USP14: variants seen among roughly 807,000 people sequenced by gnomAD.
USP14 encodes the protein ubiquitin specific peptidase 14.
In USP14, 38 loss-of-function variants were observed where a neutral mutation model predicts 76.5. The observed-to-expected ratio is 0.50, with a 90% CI of 0.38 to 0.65. USP14 has a LOEUF of 0.65. USP14 is among the 30% of genes least tolerant of loss of function. The pLI, the probability that USP14 is intolerant of heterozygous loss-of-function variation, is 0.00. For missense variants in USP14, 467 were observed against 586.5 expected (o/e 0.80, Z 2.10); for synonymous variants, 192 against 191.7 (o/e 1.00, Z -0.01).
chr18:213,679 C>G lies in USP14; in HGVS notation c.*2395C>G, dbSNP rs932284646. The G allele has an allele frequency of 2.6e-5, 4 of 152,546 alleles. No individual in the cohort carries two copies. The East Asian group carries it at 7.7e-4, about 29-fold the overall frequency. The allele number at this position is 152,546 out of a possible 1,614,324, so 9.4% of individuals were successfully genotyped here. A position where few individuals can be genotyped will look rare whatever the true frequency, so the allele number is the denominator to read the frequency against. On this transcript the variant is annotated 3_prime_UTR_variant, in exon 16 of 16. Transcript: ENST00000261601. ...GAATAATCTGCACTCACTCAGTAGC[C>G]CTTCTTCAGGATTAAAAACGATGAT...
At position 158,720 on chromosome 18, in the gene USP14, C is replaced by T. The variant is rs1475991488; in HGVS notation, c.16+6C>T. ...CGCCATGCCGCTCTACTCCGGTGAG[C>T]CCTGTCCTGGCCTCGCGCGCAGCAC... On this transcript the variant is annotated splice_donor_region_variant and intron_variant, in intron 1 of 15. Coordinates refer to ENST00000261601, the MANE Select transcript of USP14 (RefSeq NM_005151.4). 1 of 1,524,180 alleles carries T rather than the reference C, an allele frequency of 6.6e-7. No individual in the cohort carries two copies. The highest frequency in any genetic ancestry group is 2.0e-5 in the Admixed American group (1 of 50,888). The allele number at this position is 1,524,180 out of a possible 1,614,324, so 94.4% of individuals were successfully genotyped here. A position where few individuals can be genotyped will look rare whatever the true frequency, so the allele number is the denominator to read the frequency against.
intron 13 of USP14, among the ~76,000 whole-genome samples, chr18:207,936 C>G (rs1270839566): frequency 1.3e-5 from 2 of 151,912 alleles, no homozygotes; most frequent in African/African-American, 4.8e-5. Context: ...GATCTTAAAT[C>G]CTTGACTTTG....
At chr18:160,173 A>T (rs944492993) in intron 1 of USP14, among the ~76,000 whole-genome samples, 11 of 151,718 alleles carry the variant, frequency 7.3e-5, no homozygotes, top group African/African-American at 2.7e-4. Context: ...GAGTGGTGGC[A>T]GGTGCCGGTA....
chr18:160,660 C>A (rs1909092160), intron 1 of USP14, among the ~76,000 whole-genome samples: 1 of 152,226 alleles, frequency 6.6e-6, no homozygotes, highest in Admixed American at 6.5e-5. Flanking sequence ...AAGTAACTTG[C>A]TCATGGCAAT....
chr18:190,203 T>C (rs758940536), intron 5 of USP14, among the ~76,000 whole-genome samples: 1 of 152,224 alleles, frequency 6.6e-6, no homozygotes, highest in African/African-American at 2.4e-5. Flanking sequence ...GATGAATATT[T>C]GGTTTATGTT....
intron 5 of USP14, among the ~76,000 whole-genome samples, chr18:186,523 C>T (rs949864579): frequency 3.9e-5 from 6 of 152,040 alleles, no homozygotes; most frequent in South Asian, 2.1e-4. Context: ...GAGGCTGAGG[C>T]GGGCAGATCA....
intron 4 of USP14, 59 bp downstream of exon 4, chr18:179,096 G>A: frequency 8.3e-7 from 1 of 1,210,990 alleles, no homozygotes; most frequent in Non-Finnish European, 1.2e-6. Flanking sequence ...CATTATTAAG[G>A]TGTCTTTCAG....
chr18:161,691 T>G (rs2144204174), intron 1 of USP14, among the ~76,000 whole-genome samples: 1 of 152,338 alleles, frequency 6.6e-6, no homozygotes, highest in East Asian at 1.9e-4. Flanking sequence ...ATTTGGTGTC[T>G]GAGTGAGGTT....
At chr18:205,993 G>C (rs1451227485) in intron 13 of USP14, among the ~76,000 whole-genome samples, 1 of 152,156 alleles carries the variant, frequency 6.6e-6, no homozygotes, top group Non-Finnish European at 1.5e-5. Context: ...TCTAGTGTTT[G>C]TCTGTGATGA....
In USP14 at chr18:159,799, C is replaced by T. The variant is rs146483426; in HGVS notation, c.16+1085C>T. On this transcript the variant is annotated intron_variant, in intron 1 of 15. Transcript: ENST00000261601. ...TGTTTCCTCAAAATGCCAGCGCTGA[C>T]CAGAGTTTCTTTTTTAAAATTTGAG... Among the ~76,000 whole-genome samples the T allele has an allele frequency of 7.5e-3, 1,145 of 152,190 alleles. 6 individuals carry two copies. Among genetic ancestry groups the T allele is most frequent in the South Asian group, 0.011 (53 of 4,816 alleles).
chr18:200,055 A>T (rs1191054654), intron 10 of USP14, among the ~76,000 whole-genome samples: 1 of 152,118 alleles, frequency 6.6e-6, no homozygotes, highest in Non-Finnish European at 1.5e-5. Flanking sequence ...CTTTTTAATC[A>T]CTGGGTGTTC....
At chr18:199,885 T>C (rs956310933) in intron 10 of USP14, among the ~76,000 whole-genome samples, 1 of 152,240 alleles carries the variant, frequency 6.6e-6, no homozygotes, top group Admixed American at 6.5e-5. Flanking sequence ...TCAGTATTCA[T>C]TGATTCAGTG....
intron 3 of USP14, among the ~76,000 whole-genome samples, chr18:170,982 C>CAAGCAGGT (rs1909426493): frequency 7.3e-6 from 1 of 137,010 alleles, no homozygotes; most frequent in African/African-American, 2.8e-5. Flanking sequence ...AACAAGCATG[C>CAAGCAGGT]ACATCCTGGA....
chr18:198,547 A>G lies in USP14; in HGVS notation c.761+415A>G, dbSNP rs1191973939. 4.6e-5 allele frequency among the ~76,000 whole-genome samples: 7 copies of G among 152,310 alleles called. No homozygotes were observed. The South Asian group carries it at 1.5e-3, about 32-fold the overall frequency. On this transcript the variant is annotated intron_variant, in intron 9 of 15. Transcript: ENST00000261601. ...AGGTTTTTATACCTAAAAAAATACAATAATGGAAATTAGGAATTTGGAAAA... is the reference window on the plus strand; with the variant it reads ...AGGTTTTTATACCTAAAAAAATACAGTAATGGAAATTAGGAATTTGGAAAA...
At chr18:178,700 C>T (rs900098302) in intron 3 of USP14, among the ~76,000 whole-genome samples, 1 of 152,162 alleles carries the variant, frequency 6.6e-6, no homozygotes, top group African/African-American at 2.4e-5. Flanking sequence ...GCCTTCACCA[C>T]AGTCTAATTT....
chr18:176,831 G>GT (rs1434772262), intron 3 of USP14, among the ~76,000 whole-genome samples: 5 of 151,908 alleles, frequency 3.3e-5, no homozygotes, highest in Non-Finnish European at 5.9e-5. Context: ...CTGATAGTAT[G>GT]TTTTTTCTAA....
chr18:164,186 T>A (rs1909202774), intron 2 of USP14, among the ~76,000 whole-genome samples: 1 of 152,234 alleles, frequency 6.6e-6, no homozygotes, highest in African/African-American at 2.4e-5. Context: ...TTAGTTTTAT[T>A]TTGTTTAGAC....
At chr18:186,263 C>T (rs1364956353) in intron 5 of USP14, among the ~76,000 whole-genome samples, 1 of 151,982 alleles carries the variant, frequency 6.6e-6, no homozygotes, top group Non-Finnish European at 1.5e-5. Context: ...TTAAGACCAG[C>T]CTGGGCAACA....
intron 1 of USP14, among the ~76,000 whole-genome samples, chr18:159,721 A>G (rs563827517): frequency 7.9e-5 from 12 of 152,332 alleles, no homozygotes; most frequent in African/African-American, 2.9e-4. Flanking sequence ...CTCTTGAAAT[A>G]TTCTAATACT....
Sources: gnomAD v4.1 joint callset for allele counts (sites outside exome capture counted in the v4.1 genomes callset) on GRCh38, gnomAD v4.1.1 for gene constraint, MANE v1.5 for transcripts, NCBI Gene and HGNC (gene_info 2026-07-23, HGNC 2026-07-21) for gene names.